The following CLEC7A variants were observed in gnomAD, a reference collection of about 807,000 sequenced individuals.
The protein encoded by CLEC7A is C-type lectin domain containing 7A.
A neutral mutation model predicts 26.9 loss-of-function variants in CLEC7A; 25 were observed. That is an observed-to-expected ratio of 0.93 (90% confidence interval 0.68 to 1.30). CLEC7A has a LOEUF of 1.30. Ranked by LOEUF, CLEC7A falls within the 50% of genes most tolerant of loss-of-function variation. The pLI, the probability that CLEC7A is intolerant of heterozygous loss-of-function variation, is 0.00. For synonymous variants in CLEC7A, 100 were observed against 99.5 expected (o/e 1.01, Z -0.03); for missense variants, 275 against 286.7 (o/e 0.96, Z 0.29).
intron 5 of CLEC7A, among the ~76,000 whole-genome samples, chr12:10,122,365 G>A (rs1948113789): frequency 6.6e-6 from 1 of 152,050 alleles, no homozygotes; most frequent in Non-Finnish European, 1.5e-5. Flanking sequence ...TGAAAATGTG[G>A]TTGCTTTTTA....
In CLEC7A at chr12:10,125,436, C is replaced by T. The variant is rs1164088283; in HGVS notation, c.353G>A (p.Ser118Asn). The change falls in exon 4 of 6, where the codon AGC becomes AAC. Residue 118 changes from serine to asparagine, a missense_variant. Transcript: ENST00000304084. ...TATAATCCAATTAGGAGGACAAGGG[C>T]TGGAAAGAACCCCTGGAAATAAAAG... The part of the protein sequence containing the change: ...KAVKTTGVLS[S>N]PCPPNWIIYE... 1.2e-6 allele frequency: 2 copies of T among 1,611,322 alleles called. No homozygotes were observed. Among genetic ancestry groups the T allele is most frequent in the East Asian group, 2.2e-5 (1 of 44,846 alleles).
At chr12:10,128,207 A>AAAAC (rs1948364671) in intron 1 of CLEC7A, among the ~76,000 whole-genome samples, 1 of 132,788 alleles carries the variant, frequency 7.5e-6, no homozygotes, top group African/African-American at 3.0e-5. Context: ...ACCCTGTTAA[A>AAAAC]ACACACACAC....
In CLEC7A at chr12:10,128,208, ACAC is replaced by A. The variant is rs1283605307; in HGVS notation, c.104-366_104-364del. 3.6e-3 allele frequency among the ~76,000 whole-genome samples: 7 copies of A among 1,936 alleles called. No individual in the cohort carries two copies. The East Asian group carries it at 0.079, about 22-fold the overall frequency. 1.3% of individuals were successfully genotyped at this position (1,936 alleles called of 152,430 possible). On this transcript the variant is annotated intron_variant, in intron 1 of 5. Coordinates refer to ENST00000304084, the MANE Select transcript of CLEC7A (RefSeq NM_197947.3). ...GGCAAAAAAGTGATACCCTGTTAAA[ACAC>A]ACACACACACACACACACACACACA...
chr12:10,121,835 C>T (rs1157364352), intron 5 of CLEC7A, among the ~76,000 whole-genome samples: 5 of 151,894 alleles, frequency 3.3e-5, no homozygotes, highest in African/African-American at 9.7e-5. Flanking sequence ...GGTGAAACCC[C>T]GTCTCTACTA....
Position 10,130,124 on chromosome 12 carries a change from C to A in CLEC7A, c.-42G>T, listed in dbSNP as rs1412770571. On this transcript the variant is annotated 5_prime_UTR_variant, in exon 1 of 6. Coordinates refer to ENST00000304084, the MANE Select transcript of CLEC7A (RefSeq NM_197947.3). ...TGAATAGATATAGCATTTGGGAGCT[C>A]TTTTCTTTCTGCTCCTGAGATGACT... The A allele has an allele frequency of 1.1e-6, 1 of 950,610 alleles. No individual in the cohort carries two copies. Among genetic ancestry groups the A allele is most frequent in the East Asian group, 2.5e-5 (1 of 40,702 alleles). The allele number at this position is 950,610 out of a possible 1,614,324, so 58.9% of individuals were successfully genotyped here. A position where few individuals can be genotyped will look rare whatever the true frequency, so the allele number is the denominator to read the frequency against.
At chr12:10,126,803 A>C (rs1255473496) in intron 2 of CLEC7A, 95 bp from the exon 3 acceptor site, 3 of 958,464 alleles carry the variant, frequency 3.1e-6, no homozygotes. Context: ...ATTGGAATAA[A>C]AGAATACATT....
At position 10,117,654 on chromosome 12, in the gene CLEC7A, T is replaced by A. The variant is rs974460634; in HGVS notation, c.*804A>T. On this transcript the variant is annotated 3_prime_UTR_variant, in exon 6 of 6. Transcript: ENST00000304084. Reference sequence around the variant, plus strand: ...ACTAAGATGATAATCATAATTATGATCATACTGATGAAAATAATAAAATTG... The same window carrying A: ...ACTAAGATGATAATCATAATTATGAACATACTGATGAAAATAATAAAATTG... 5 of 151,840 alleles carry A rather than the reference T, an allele frequency of 3.3e-5. No individual in the cohort carries two copies. Among genetic ancestry groups the A allele is most frequent in the African/African-American group, 9.7e-5 (4 of 41,300 alleles). The allele number at this position is 151,840 out of a possible 1,614,324, so 9.4% of individuals were successfully genotyped here. A position where few individuals can be genotyped will look rare whatever the true frequency, so the allele number is the denominator to read the frequency against.
At chr12:10,123,210 A>G (rs759776167) in intron 5 of CLEC7A, 35 bp downstream of exon 5, 2 of 1,365,570 alleles carry the variant, frequency 1.5e-6, no homozygotes, top group Non-Finnish European at 2.1e-6. Context: ...CCTCTCTGAG[A>G]AAAAGGATGA....
rs112604911 is a variant in CLEC7A at position 10,129,573 on chromosome 12, C to A, written c.103+407G>T. 6.7e-3 allele frequency among the ~76,000 whole-genome samples: 1,019 copies of A among 152,122 alleles called. 17 individuals are homozygous for A. The highest frequency in any genetic ancestry group is 0.022 in the African/African-American group (926 of 41,464). ...TATATCCATAAAAATATACACATCA[C>A]GAGGCTCTCAAATTTTCTCCCCTTA... On this transcript the variant is annotated intron_variant, in intron 1 of 5. Transcript: ENST00000304084.
At chr12:10,125,756 C>T (rs1191928768) in intron 3 of CLEC7A, among the ~76,000 whole-genome samples, 2 of 152,134 alleles carry the variant, frequency 1.3e-5, no homozygotes, top group African/African-American at 2.4e-5. Flanking sequence ...TTAATAACTC[C>T]TTAAAATAAG....
At chr12:10,126,993 A>C in intron 2 of CLEC7A, 2 of 1,330,600 alleles carry the variant, frequency 1.5e-6, no homozygotes, top group Non-Finnish European at 2.0e-6. Flanking sequence ...CAAATGTCAT[A>C]GAGTCAATTG....
At chr12:10,127,239 T>C in intron 2 of CLEC7A, 2 of 1,337,432 alleles carry the variant, frequency 1.5e-6, no homozygotes, top group South Asian at 1.4e-5. Flanking sequence ...ACCAAGTGCC[T>C]CAGGAAATTT....
rs369482852 is a variant in CLEC7A, at chr12:10,125,367, C to G, written c.422G>C (p.Trp141Ser). Residue 141 changes from tryptophan to serine, a missense_variant, in exon 4 of 6, where the codon TGG (tryptophan) becomes TCG (serine). Transcript: ENST00000304084. ...CCAGCATTGTCTTTTACTTCCATCC[C>G]AGGAATTTAGTGACATGCTGAATAG... Reference protein sequence around the residue: ...CYLFSMSLNSWDGSKRQCWQL... With the variant: ...CYLFSMSLNSSDGSKRQCWQL... 60 of 1,613,540 alleles carry G rather than the reference C, an allele frequency of 3.7e-5. No individual in the cohort carries two copies. In the African/African-American group the frequency reaches 7.6e-4, roughly 20 times the overall value.
chr12:10,125,546 A>G, intron 3 of CLEC7A, 98 bp from the exon 4 acceptor site: 1 of 916,310 alleles, frequency 1.1e-6, no homozygotes, highest in Non-Finnish European at 1.5e-6. Flanking sequence ...GAAATAACCA[A>G]TTAGTTGCCA....
At position 10,123,270 on chromosome 12, in the gene CLEC7A, C is replaced by A; in HGVS notation, c.586G>T (p.Asp196Tyr). ...AAGTTAGAAGAGAATGTTGATCCATCCTCCCAGAGCCATGGTACCTCAGTC... is the reference window on the plus strand; with the variant it reads ...AAGTTAGAAGAGAATGTTGATCCATACTCCCAGAGCCATGGTACCTCAGTC... ...PQTEVPWLWE[D>Y]GSTFSSNLFQ... Residue 196 changes from aspartate to tyrosine, a missense_variant, in exon 5 of 6, where the codon GAT becomes TAT. Physicochemically the swap from Asp to Tyr is radical, Grantham distance 160. Coordinates refer to ENST00000304084, the MANE Select transcript of CLEC7A (RefSeq NM_197947.3). The A allele has an allele frequency of 6.2e-7, 1 of 1,608,864 alleles. No homozygotes were observed. The highest frequency in any genetic ancestry group is 8.5e-7 in the Non-Finnish European group (1 of 1,175,190).
intron 4 of CLEC7A, among the ~76,000 whole-genome samples, chr12:10,124,571 G>A (rs542625158): frequency 9.5e-4 from 144 of 152,130 alleles, no homozygotes; most frequent in South Asian, 1.9e-3. Context: ...TCCTGTGATA[G>A]CAGGGTTATG....
chr12:10,118,462 A>G lies in CLEC7A; in HGVS notation c.740T>C (p.Met247Thr). The stretch of plus-strand genomic sequence containing the variant: ...TCTCCTTCTCCACCCTTCCTCTTAC[A>G]TTGAAAACTTCTTCTCACAAATACT... ...SYSICEKKFS[M>T] The change falls in exon 6 of 6, where the codon ATG becomes ACG. Residue 247 changes from methionine (M) to threonine (T), a missense_variant. Met to Thr is a moderately conservative substitution (Grantham distance 81). Coordinates refer to ENST00000304084, the MANE Select transcript of CLEC7A (RefSeq NM_197947.3). 6.2e-7 allele frequency: 1 copy of G among 1,608,962 alleles called. No homozygotes were observed. The highest frequency in any genetic ancestry group is 1.1e-5 in the South Asian group (1 of 90,912).
intron 5 of CLEC7A, among the ~76,000 whole-genome samples, chr12:10,122,247 A>C (rs1190778065): frequency 6.6e-6 from 1 of 152,160 alleles, no homozygotes; most frequent in Admixed American, 6.5e-5. Flanking sequence ...GCAGATATTA[A>C]AAAGCAAATG....
intron 4 of CLEC7A, 84 bp downstream of exon 4, chr12:10,125,198 AAGACTTCATTTTAGG>A: frequency 2.6e-6 from 3 of 1,153,992 alleles, no homozygotes; most frequent in Non-Finnish European, 3.7e-6. Flanking sequence ...AAAAAAAAAA[AAGACTTCATTTTAGG>A]AAAAATTGTC....
Sources: gnomAD v4.1 joint callset for allele counts (sites outside exome capture counted in the v4.1 genomes callset) on GRCh38, gnomAD v4.1.1 for gene constraint, MANE v1.5 for transcripts, NCBI Gene and HGNC (gene_info 2026-07-23, HGNC 2026-07-21) for gene names.